SUMF1: variants seen among roughly 807,000 people sequenced by gnomAD.
SUMF1 encodes the protein sulfatase modifying factor 1.
Under a neutral mutation model 47.6 loss-of-function variants are expected in SUMF1, and 48 were observed. The observed-to-expected ratio is 1.01, with a 90% CI of 0.80 to 1.28. SUMF1 has a LOEUF of 1.28. SUMF1 is among the 50% of genes most tolerant of loss of function. The probability of loss-of-function intolerance (pLI) is 0.00; values close to 1 mark genes in which losing one functional copy is unlikely to be tolerated. For synonymous variants in SUMF1, 230 were observed against 192.1 expected (o/e 1.20, Z -1.63); for missense variants, 571 against 485.4 (o/e 1.18, Z -1.66).
chr3:4,202,558 C>A (rs1000232246), intron 8 of SUMF1, among the ~76,000 whole-genome samples: 4 of 151,832 alleles, frequency 2.6e-5, no homozygotes, highest in African/African-American at 9.7e-5. Flanking sequence ...TAGTTTTGTT[C>A]CTTTTGTTCC....
intron 3 of SUMF1, among the ~76,000 whole-genome samples, chr3:4,433,621 G>T (rs890861029): frequency 2.6e-5 from 4 of 152,182 alleles, no homozygotes; most frequent in Non-Finnish European, 5.9e-5. Context: ...TCTCCCCAAG[G>T]AAAAGCTGAC....
chr3:4,338,151 A>T (rs927835656), intron 8 of SUMF1, among the ~76,000 whole-genome samples: 1 of 152,146 alleles, frequency 6.6e-6, no homozygotes, highest in Non-Finnish European at 1.5e-5. Flanking sequence ...TATAATCCTC[A>T]CTACTCAGGA....
intron 8 of SUMF1, among the ~76,000 whole-genome samples, chr3:4,322,222 T>C (rs919729922): frequency 2.6e-5 from 4 of 152,064 alleles, no homozygotes; most frequent in Non-Finnish European, 4.4e-5. Flanking sequence ...AAACTAAAAA[T>C]CTGAATCAAC....
At chr3:4,107,764 G>C (rs989311422) in intron 8 of SUMF1, among the ~76,000 whole-genome samples, 12 of 152,208 alleles carry the variant, frequency 7.9e-5, no homozygotes, top group African/African-American at 2.9e-4. Context: ...GCTGCAATGA[G>C]CTATGAAGGC....
chr3:4,417,873 T>C (rs1383652423), intron 5 of SUMF1, 137 bp downstream of exon 5: 4 of 1,501,662 alleles, frequency 2.7e-6, no homozygotes, highest in Non-Finnish European at 3.7e-6. Flanking sequence ...TTCTAAGTAA[T>C]TTCGTGGAAA....
At chr3:4,344,725 A>G (rs991816072) in intron 8 of SUMF1, among the ~76,000 whole-genome samples, 2 of 152,130 alleles carry the variant, frequency 1.3e-5, no homozygotes, top group African/African-American at 4.8e-5. Flanking sequence ...TGGGTAATAA[A>G]AAATTACGAT....
intron 8 of SUMF1, among the ~76,000 whole-genome samples, chr3:4,298,518 A>C (rs965407924): frequency 2.6e-5 from 4 of 152,208 alleles, no homozygotes; most frequent in Non-Finnish European, 5.9e-5. Context: ...TGGATCCTTC[A>C]AAAAAATTTT....
intron 7 of SUMF1, among the ~76,000 whole-genome samples, chr3:4,394,307 C>A (rs938492221): frequency 1.3e-5 from 2 of 151,888 alleles, no homozygotes; most frequent in Non-Finnish European, 2.9e-5. Context: ...GTAGCTGGGA[C>A]CACAGACACA....
At chr3:4,339,680 A>G (rs1699228661) in intron 8 of SUMF1, among the ~76,000 whole-genome samples, 1 of 152,182 alleles carries the variant, frequency 6.6e-6, no homozygotes, top group South Asian at 2.1e-4. Flanking sequence ...TTAGATGAAT[A>G]CATCTTTCAG....
At chr3:4,180,157 C>T (rs1180747942) in intron 8 of SUMF1, among the ~76,000 whole-genome samples, 3 of 152,168 alleles carry the variant, frequency 2.0e-5, no homozygotes, top group African/African-American at 7.2e-5. Context: ...GGATCTAGAA[C>T]TAGAATTACC....
intron 8 of SUMF1, among the ~76,000 whole-genome samples, chr3:4,107,208 G>T (rs186024587): frequency 9.0e-4 from 137 of 152,180 alleles, no homozygotes; most frequent in Non-Finnish European, 1.5e-3. Flanking sequence ...AACTGTCCAG[G>T]AGCTAAGATT....
intron 8 of SUMF1, among the ~76,000 whole-genome samples, chr3:4,178,487 A>G (rs1695019382): frequency 6.6e-6 from 1 of 152,186 alleles, no homozygotes; most frequent in African/African-American, 2.4e-5. Context: ...ACAAAATTCA[A>G]CAGCCCTTCA....
At chr3:4,076,743 T>C (rs1472748953) in intron 8 of SUMF1, among the ~76,000 whole-genome samples, 1 of 152,178 alleles carries the variant, frequency 6.6e-6, no homozygotes, top group Admixed American at 6.5e-5. Context: ...CTCACGCCTG[T>C]AATCCCAGCA....
At chr3:4,150,701 TA>T (rs1353575359) in intron 8 of SUMF1, among the ~76,000 whole-genome samples, 2 of 151,592 alleles carry the variant, frequency 1.3e-5, no homozygotes, top group Non-Finnish European at 2.9e-5. Context: ...TTATTTTTAA[TA>T]AGAAAAAGAA....
chr3:4,274,653 A>T (rs1697376177), intron 8 of SUMF1, among the ~76,000 whole-genome samples: 1 of 152,194 alleles, frequency 6.6e-6, no homozygotes. Flanking sequence ...TTTTCCCCTG[A>T]AAAAACTGAA....
At chr3:4,299,391 T>C (rs989441166) in intron 8 of SUMF1, among the ~76,000 whole-genome samples, 1 of 152,240 alleles carries the variant, frequency 6.6e-6, no homozygotes, top group Non-Finnish European at 1.5e-5. Flanking sequence ...GTGAAGCTAA[T>C]GCCAAGTGTG....
chr3:4,357,770 G>A (rs1699654954), downstream of SUMF1, among the ~76,000 whole-genome samples: 1 of 151,794 alleles, frequency 6.6e-6, no homozygotes, highest in African/African-American at 2.4e-5. Flanking sequence ...AACAAGCCCA[G>A]CTAAGTTTTG....
intron 3 of SUMF1, among the ~76,000 whole-genome samples, chr3:4,422,064 G>A (rs1041256400): frequency 6.6e-6 from 1 of 152,242 alleles, no homozygotes; most frequent in South Asian, 2.1e-4. Flanking sequence ...ACAAAAGAAG[G>A]CATTAGGTCC....
chr3:4,145,840 C>A (rs953765675), intron 8 of SUMF1, among the ~76,000 whole-genome samples: 2 of 152,136 alleles, frequency 1.3e-5, no homozygotes, highest in Non-Finnish European at 2.9e-5. Flanking sequence ...TGTCAAAAGG[C>A]TTCCCAGCCC....
Sources: gnomAD v4.1 joint callset for allele counts (sites outside exome capture counted in the v4.1 genomes callset) on GRCh38, gnomAD v4.1.1 for gene constraint, MANE v1.5 for transcripts, NCBI Gene and HGNC (gene_info 2026-07-23, HGNC 2026-07-21) for gene names.